PGM1: variants seen among roughly 807,000 people sequenced by gnomAD.
PGM1 encodes the protein phosphoglucomutase-1.
In PGM1, 52 loss-of-function variants were observed where a neutral mutation model predicts 55.6. That is an observed-to-expected ratio of 0.94 (90% CI 0.75 to 1.18). PGM1 has a LOEUF of 1.18. PGM1 is among the 50% of genes most tolerant of loss of function. The pLI is 0.00. For synonymous variants in PGM1, 287 were observed against 271.7 expected (o/e 1.06, Z -0.55); for missense variants, 724 against 729.3 (o/e 0.99, Z 0.08).
At chr1:63,639,341 G>A (rs1649453648) in intron 7 of PGM1, among the ~76,000 whole-genome samples, 1 of 152,110 alleles carries the variant, frequency 6.6e-6, no homozygotes, top group Non-Finnish European at 1.5e-5. Context: ...TGTGCCTGAG[G>A]ATGTTTGTGT....
At chr1:63,605,635 G>A (rs1026466929) in intron 1 of PGM1, among the ~76,000 whole-genome samples, 4 of 151,854 alleles carry the variant, frequency 2.6e-5, no homozygotes, top group Non-Finnish European at 4.4e-5. Context: ...TGAGTGCAGT[G>A]GTGTGATCAT....
At chr1:63,602,564 G>A (rs1367263065) in intron 1 of PGM1, among the ~76,000 whole-genome samples, 1 of 152,002 alleles carries the variant, frequency 6.6e-6, no homozygotes, top group African/African-American at 2.4e-5. Flanking sequence ...AAGTCCTTCT[G>A]ACCAAATATT....
At position 63,627,067 on chromosome 1, in the gene PGM1, AC is replaced by A. The variant is rs1303204549; in HGVS notation, c.247-2357del. ...CATATGGCAGGACCCCCCCCCCCCC[AC>A]ACACACACACACTTTTAAGGCTGAA... On this transcript the variant is annotated intron_variant, in intron 1 of 10. Transcript: ENST00000371084. 1.0e-3 allele frequency among the ~76,000 whole-genome samples: 49 copies of A among 47,876 alleles called. 1 individual carries two copies. The highest frequency in any genetic ancestry group is 5.2e-3 in the South Asian group (5 of 966). 31.4% of individuals were successfully genotyped at this position (47,876 alleles called of 152,430 possible). A position where few individuals can be genotyped will look rare whatever the true frequency, so the allele number is the denominator to read the frequency against.
At position 63,634,881 on chromosome 1, in the gene PGM1, G is replaced by A. The variant is rs146028700; in HGVS notation, c.735G>A (p.Ala245=). ...TCTGTGAAGAACTCGGTGCCCCTGCGAACTCGGCAGTTAACTGCGTTCCTC... is the reference window on the plus strand; with the variant it reads ...TCTGTGAAGAACTCGGTGCCCCTGCAAACTCGGCAGTTAACTGCGTTCCTC... ...KILCEELGAP[A]NSAVNCVPLE... The change falls in exon 5 of 11, where the codon GCG becomes GCA. Residue 245 remains alanine (A), a synonymous_variant. Transcript: ENST00000371084. 505 of 1,582,702 alleles carry A rather than the reference G, an allele frequency of 3.2e-4. No homozygotes were observed. The highest frequency in any genetic ancestry group is 3.9e-4 in the Non-Finnish European group (449 of 1,165,558).
intron 8 of PGM1, 43 bp downstream of exon 8, chr1:63,648,695 T>A (rs1191219761): frequency 6.2e-7 from 1 of 1,609,138 alleles, no homozygotes; most frequent in Admixed American, 1.7e-5. Flanking sequence ...GGTGGGGAAG[T>A]GGGCAGAGAG....
chr1:63,657,606 C>T (rs1650001493), intron 10 of PGM1, among the ~76,000 whole-genome samples: 1 of 152,186 alleles, frequency 6.6e-6, no homozygotes, highest in African/African-American at 2.4e-5. Context: ...AACTAAAACT[C>T]TGTACCCATT....
chr1:63,630,305 G>A (rs1311448428), intron 3 of PGM1, among the ~76,000 whole-genome samples: 8 of 152,140 alleles, frequency 5.3e-5, no homozygotes, highest in Admixed American at 6.6e-5. Flanking sequence ...GCATGACATC[G>A]AGTAAGTCAT....
intron 1 of PGM1, among the ~76,000 whole-genome samples, chr1:63,620,897 G>A (rs567647569): frequency 1.3e-5 from 2 of 152,330 alleles, no homozygotes; most frequent in East Asian, 1.9e-4. Context: ...CGCTATGCTC[G>A]ACAGTAACGT....
chr1:63,610,707 C>T (rs1648541312), intron 1 of PGM1, among the ~76,000 whole-genome samples: 1 of 152,200 alleles, frequency 6.6e-6, no homozygotes, highest in Non-Finnish European at 1.5e-5. Context: ...TGCTCTACAC[C>T]TATTAGCTTA....
In PGM1 at chr1:63,625,518, A is replaced by G. The variant is rs1294841062; in HGVS notation, c.247-3907A>G. 2.6e-5 allele frequency among the ~76,000 whole-genome samples: 4 copies of G among 152,222 alleles called. No individual in the cohort carries two copies. The East Asian group carries it at 5.8e-4, about 22-fold the overall frequency. ...GGGTTTGATTTCTTCTCTTTCTAACATATCCTAAATTCTGACTGTTTTAAC... is the reference window on the plus strand; with the variant it reads ...GGGTTTGATTTCTTCTCTTTCTAACGTATCCTAAATTCTGACTGTTTTAAC... On this transcript the variant is annotated intron_variant, in intron 1 of 10. Coordinates refer to ENST00000371084, the MANE Select transcript of PGM1 (RefSeq NM_002633.3).
chr1:63,603,186 G>C (rs1648290930), intron 1 of PGM1, among the ~76,000 whole-genome samples: 1 of 152,316 alleles, frequency 6.6e-6, no homozygotes, highest in East Asian at 1.9e-4. Flanking sequence ...CACATGCATG[G>C]CCTTATTTCC....
chr1:63,609,509 C>T (rs1033659), intron 1 of PGM1, among the ~76,000 whole-genome samples: 3,310 of 152,244 alleles, frequency 0.022, 128 homozygotes, highest in African/African-American at 0.076. Flanking sequence ...GTAGTTACAA[C>T]AGGGTGCGAA....
intron 4 of PGM1, among the ~76,000 whole-genome samples, chr1:63,633,930 ATATTTTTT>A (rs1649284047): frequency 2.8e-5 from 2 of 71,306 alleles, no homozygotes; most frequent in African/African-American, 8.5e-5. Context: ...ATATATATAT[ATATTTTTT>A]TTTTTTTTTT....
chr1:63,594,007 G>T, intron 1 of PGM1: 3 of 1,144,498 alleles, frequency 2.6e-6, no homozygotes, highest in Non-Finnish European at 3.2e-6. Flanking sequence ...CCAAGGTCAC[G>T]CCCGACTCTC....
intron 1 of PGM1, among the ~76,000 whole-genome samples, chr1:63,626,436 A>G (rs1649019148): frequency 6.6e-6 from 1 of 152,098 alleles, no homozygotes; most frequent in Non-Finnish European, 1.5e-5. Context: ...GAATTTGCCT[A>G]TTCTAGTTAC....
At chr1:63,654,891 GA>G (rs1361936963) in intron 10 of PGM1, among the ~76,000 whole-genome samples, 1 of 151,608 alleles carries the variant, frequency 6.6e-6, no homozygotes, top group African/African-American at 2.4e-5. Context: ...CCCTGCTACA[GA>G]TAAGGAAACT....
chr1:63,658,345 G>GTTT lies in PGM1; in HGVS notation c.1600-1228_1600-1226dup, dbSNP rs34300625. On this transcript the variant is annotated intron_variant, in intron 10 of 10. Transcript: ENST00000371084. Reference sequence around the variant, plus strand: ...AATGGGCAGTTCAACCAGATTAGTAGTTTTTTTTTTTTTTTAATATTGAAA... The same window carrying GTTT: ...AATGGGCAGTTCAACCAGATTAGTAGTTTTTTTTTTTTTTTTTTAATATTGAAA... Among the ~76,000 whole-genome samples, 480 of 136,602 alleles carry GTTT rather than the reference G, an allele frequency of 3.5e-3. 3 individuals carry two copies. Among genetic ancestry groups the GTTT allele is most frequent in the African/African-American group, 0.012 (442 of 37,828 alleles). The allele number at this position is 136,602 out of a possible 152,430, so 89.6% of individuals were successfully genotyped here.
intron 1 of PGM1, among the ~76,000 whole-genome samples, chr1:63,595,220 G>A (rs996248205): frequency 2.0e-5 from 3 of 151,986 alleles, no homozygotes; most frequent in African/African-American, 7.3e-5. Flanking sequence ...TTCATTTCTG[G>A]GTCTCATTTA....
At chr1:63,609,768 C>A (rs77257767) in intron 1 of PGM1, among the ~76,000 whole-genome samples, 2 of 152,156 alleles carry the variant, frequency 1.3e-5, no homozygotes, top group Non-Finnish European at 2.9e-5. Flanking sequence ...ATAAATTACA[C>A]GAGATCTTCC....
Sources: allele counts gnomAD v4.1 joint callset (sites outside exome capture counted in the v4.1 genomes callset), GRCh38; gene constraint gnomAD v4.1.1; transcripts MANE v1.5; gene names NCBI Gene and HGNC (gene_info 2026-07-23, HGNC 2026-07-21).